The following FBXL7 variants were observed in gnomAD, a reference collection of about 807,000 sequenced individuals.
The protein encoded by FBXL7 is F-box and leucine rich repeat protein 7.
A neutral mutation model predicts 38.3 loss-of-function variants in FBXL7; 12 were observed. The observed-to-expected ratio is 0.31, with a 90% CI of 0.20 to 0.51. The LOEUF (loss-of-function observed/expected upper bound fraction) is 0.51. FBXL7 is among the 20% of genes least tolerant of loss of function. The pLI, the probability that FBXL7 is intolerant of heterozygous loss-of-function variation, is 0.98. For synonymous variants in FBXL7, 297 were observed against 300.9 expected (o/e 0.99, Z 0.13); for missense variants, 567 against 676.4 (o/e 0.84, Z 1.79).
At chr5:15,882,719 G>C (rs1206527935) in intron 2 of FBXL7, among the ~76,000 whole-genome samples, 2 of 152,164 alleles carry the variant, frequency 1.3e-5, no homozygotes, top group African/African-American at 4.8e-5. Flanking sequence ...TCCTTTGGAA[G>C]AAAACCATAC....
chr5:15,728,672 T>C (rs1735489170), intron 2 of FBXL7, among the ~76,000 whole-genome samples: 1 of 152,178 alleles, frequency 6.6e-6, no homozygotes, highest in Admixed American at 6.6e-5. Context: ...TGAATGCAAC[T>C]AAGTGAGGAT....
At chr5:15,935,957 G>A (rs972040915) in intron 3 of FBXL7, among the ~76,000 whole-genome samples, 4 of 152,108 alleles carry the variant, frequency 2.6e-5, no homozygotes, top group Admixed American at 2.0e-4. Context: ...GTACATGCCC[G>A]AGCTTTGTCT....
chr5:15,820,482 C>T (rs914013465), intron 2 of FBXL7, among the ~76,000 whole-genome samples: 5 of 152,174 alleles, frequency 3.3e-5, no homozygotes, highest in African/African-American at 1.2e-4. Context: ...TCTCCCATCT[C>T]TCTTCCTCCC....
chr5:15,616,093 A>G, intron 2 of FBXL7, 21 bp downstream of exon 2: 1 of 1,558,638 alleles, frequency 6.4e-7, no homozygotes. Flanking sequence ...GGTCTTCATT[A>G]TCTCTCTTTC....
At chr5:15,707,107 A>G (rs1743705456) in intron 2 of FBXL7, among the ~76,000 whole-genome samples, 1 of 150,408 alleles carries the variant, frequency 6.6e-6, no homozygotes, top group Non-Finnish European at 1.5e-5. Flanking sequence ...GGACAAGGAT[A>G]TCATCTATTA....
At chr5:15,803,850 T>C (rs1425400056) in intron 2 of FBXL7, among the ~76,000 whole-genome samples, 1 of 152,130 alleles carries the variant, frequency 6.6e-6, no homozygotes, top group Non-Finnish European at 1.5e-5. Flanking sequence ...CTCCGGTAGA[T>C]GTGTAGGGGG....
intron 2 of FBXL7, among the ~76,000 whole-genome samples, chr5:15,911,442 G>A (rs1348002540): frequency 2.1e-5 from 3 of 139,986 alleles, no homozygotes; most frequent in South Asian, 2.1e-4. Context: ...TTTTTTCAAC[G>A]TTTTCAACTT....
chr5:15,849,340 A>C (rs1385140213), intron 2 of FBXL7, among the ~76,000 whole-genome samples: 1 of 152,220 alleles, frequency 6.6e-6, no homozygotes, highest in Non-Finnish European at 1.5e-5. Flanking sequence ...GAATAGAATT[A>C]GCGAATTAGA....
chr5:15,848,728 T>C (rs1338493971), intron 2 of FBXL7, among the ~76,000 whole-genome samples: 1 of 152,084 alleles, frequency 6.6e-6, no homozygotes, highest in Non-Finnish European at 1.5e-5. Flanking sequence ...AAGTCAAAAG[T>C]AAACCTTTCT....
intron 2 of FBXL7, among the ~76,000 whole-genome samples, chr5:15,706,680 A>G (rs1390995203): frequency 6.6e-6 from 1 of 152,206 alleles, no homozygotes; most frequent in Non-Finnish European, 1.5e-5. Flanking sequence ...TGCTGTTGGA[A>G]AAAACAAAAA....
intron 2 of FBXL7, among the ~76,000 whole-genome samples, chr5:15,621,901 C>A (rs544251661): frequency 4.2e-4 from 64 of 152,248 alleles, no homozygotes; most frequent in African/African-American, 1.5e-3. Context: ...ATCCAATACA[C>A]TCATTTTTTT....
intron 2 of FBXL7, among the ~76,000 whole-genome samples, chr5:15,869,209 C>T (rs1210677181): frequency 6.6e-6 from 1 of 152,128 alleles, no homozygotes; most frequent in African/African-American, 2.4e-5. Flanking sequence ...GAAGTGATAT[C>T]CCATCACTTT....
At chr5:15,851,772 G>T (rs375192045) in intron 2 of FBXL7, among the ~76,000 whole-genome samples, 1 of 148,284 alleles carries the variant, frequency 6.7e-6, no homozygotes. Flanking sequence ...CTATTCTCAC[G>T]CAAATAAATA....
At chr5:15,652,460 CT>C (rs1375963483) in intron 2 of FBXL7, among the ~76,000 whole-genome samples, 1 of 152,126 alleles carries the variant, frequency 6.6e-6, no homozygotes, top group Non-Finnish European at 1.5e-5. Flanking sequence ...TAGAGATGGG[CT>C]TTCACCGTGT....
intron 2 of FBXL7, among the ~76,000 whole-genome samples, chr5:15,736,916 G>A (rs371707753): frequency 2.6e-5 from 4 of 152,076 alleles, no homozygotes; most frequent in African/African-American, 4.8e-5. Context: ...AATATCTGAC[G>A]CTTCTATAAC....
At chr5:15,562,154 A>G (rs572287505) in intron 1 of FBXL7, among the ~76,000 whole-genome samples, 4 of 152,160 alleles carry the variant, frequency 2.6e-5, no homozygotes, top group Non-Finnish European at 4.4e-5. Flanking sequence ...TGAAAATGTA[A>G]CATTCTTAGA....
At chr5:15,880,563 A>G (rs1164351151) in intron 2 of FBXL7, among the ~76,000 whole-genome samples, 2 of 152,068 alleles carry the variant, frequency 1.3e-5, no homozygotes, top group Non-Finnish European at 2.9e-5. Context: ...TAGGTTTTGT[A>G]TATCTTTGTT....
At chr5:15,540,832 T>C (rs944162128) in intron 1 of FBXL7, among the ~76,000 whole-genome samples, 1 of 152,098 alleles carries the variant, frequency 6.6e-6, no homozygotes, top group South Asian at 2.1e-4. Flanking sequence ...ATAAGGGCAC[T>C]GATCCCATTC....
chr5:15,874,347 A>C (rs542219078), intron 2 of FBXL7, among the ~76,000 whole-genome samples: 4 of 152,358 alleles, frequency 2.6e-5, no homozygotes, highest in African/African-American at 9.6e-5. Flanking sequence ...TTCCCTTTGA[A>C]AACCAGCACA....
Sources: allele counts gnomAD v4.1 joint callset (sites outside exome capture counted in the v4.1 genomes callset), GRCh38; gene constraint gnomAD v4.1.1; transcripts MANE v1.5; gene names NCBI Gene and HGNC (gene_info 2026-07-23, HGNC 2026-07-21).